The following ZNF469 variants were observed in gnomAD, a reference collection of about 807,000 sequenced individuals.
ZNF469 encodes zinc finger protein 469.
ZNF469 carries 1 observed loss-of-function variant against 1.0 expected under a neutral mutation model. The ratio of observed to expected loss-of-function variants is 1.00; its 90% confidence interval spans 0.35 to 4.73. ZNF469 has a LOEUF of 4.73. ZNF469 is among the 30% of genes most tolerant of loss of function. ZNF469 has a pLI of 0.16. For missense variants in ZNF469, 6,100 were observed against 5,356.3 expected (o/e 1.14, Z -4.33); for synonymous variants, 2,703 against 2,363.4 (o/e 1.14, Z -4.17).
chr16:88,325,919 G>C, the ZNF469 span, among the ~76,000 whole-genome samples: 4 of 152,256 alleles, frequency 2.6e-5, no homozygotes, highest in Admixed American at 1.3e-4. Context: ...TCTAGCCTCA[G>C]CTTCCTCAGC....
the ZNF469 span, among the ~76,000 whole-genome samples, chr16:88,255,307 C>A: frequency 6.6e-6 from 1 of 152,198 alleles, no homozygotes; most frequent in Non-Finnish European, 1.5e-5. Flanking sequence ...CAGATGGGTT[C>A]TATGGGAAAG....
At chr16:88,400,407 G>A (rs1054287693) in intron 1 of ZNF469, among the ~76,000 whole-genome samples, 6 of 152,318 alleles carry the variant, frequency 3.9e-5, no homozygotes, top group South Asian at 2.1e-4. Flanking sequence ...AGGCCCTGCC[G>A]GCTCACACCT....
At chr16:88,284,764 C>G in the ZNF469 span, among the ~76,000 whole-genome samples, 4 of 152,238 alleles carry the variant, frequency 2.6e-5, no homozygotes, top group African/African-American at 9.6e-5. Flanking sequence ...CGCCGTGCCC[C>G]TGGCAGCTCT....
Position 88,433,550 on chromosome 16 carries a change from C to G in ZNF469, c.6080C>G (p.Thr2027Ser). ...SVNASPKTAL[T>S]GPTEGAVLLE... ...AATGCCAGTCCCAAAACAGCGCTGA[C>G]CGGCCCCACCGAGGGTGCAGTCCTG... The change falls in exon 3 of 3, where the codon ACC (threonine) becomes AGC (serine). Residue 2027 changes from threonine to serine, a missense_variant. Transcript: ENST00000565624. The G allele has an allele frequency of 6.5e-7, 1 of 1,550,376 alleles. No individual in the cohort carries two copies. The highest frequency in any genetic ancestry group is 8.7e-7 in the Non-Finnish European group (1 of 1,146,940).
the ZNF469 span, among the ~76,000 whole-genome samples, chr16:88,371,963 TCACCATCACCACCATCA>T: frequency 7.4e-6 from 1 of 135,958 alleles, no homozygotes; most frequent in Non-Finnish European, 1.6e-5. Flanking sequence ...ACCACCATCA[TCACCATCACCACCATCA>T]TCACCATCAC....
chr16:88,400,795 G>A (rs1904831869), intron 1 of ZNF469, among the ~76,000 whole-genome samples: 1 of 152,020 alleles, frequency 6.6e-6, no homozygotes, highest in Non-Finnish European at 1.5e-5. Context: ...GATAAAATGG[G>A]CAGAATCTCT....
At chr16:88,205,572 G>A in the ZNF469 span, among the ~76,000 whole-genome samples, 2 of 152,190 alleles carry the variant, frequency 1.3e-5, no homozygotes, top group Admixed American at 6.5e-5. This position sits in a 1 kb window ranked among gnomAD's most constrained non-coding sequence, Gnocchi z 4.2. Context: ...AACAGTTTCG[G>A]GGTGATGCTA....
At chr16:88,103,537 T>C in the ZNF469 span, among the ~76,000 whole-genome samples, 5 of 151,894 alleles carry the variant, frequency 3.3e-5, no homozygotes, top group Admixed American at 2.6e-4. Context: ...GCCCTCCTTG[T>C]CCCCCCCGAA....
chr16:88,437,268 C>G lies in ZNF469; in HGVS notation c.9798C>G (p.Ser3266Arg). 6.5e-7 allele frequency: 1 copy of G among 1,548,512 alleles called. No homozygotes were observed. The highest frequency in any genetic ancestry group is 8.7e-7 in the Non-Finnish European group (1 of 1,145,930). The change falls in exon 3 of 3, where the codon AGC becomes AGG. Residue 3266 changes from serine to arginine, a missense_variant. Transcript: ENST00000565624. ...AAGAGGGAGAAGCCAAGAAAGACAG[C>G]CCGGGCGAGAGGGCGAAACCCCGGG... is the stretch of plus-strand genomic sequence containing the variant. ...WGQEGEAKKD[S>R]PGERAKPRAR...
At chr16:88,168,461 G>A in the ZNF469 span, among the ~76,000 whole-genome samples, 2 of 151,454 alleles carry the variant, frequency 1.3e-5, no homozygotes, top group Non-Finnish European at 2.9e-5. The surrounding 1 kb of genome is among the most constrained non-coding windows in gnomAD (Gnocchi z 4.3). Flanking sequence ...TTGTGACCTT[G>A]TGTGGGGTCG....
chr16:88,206,236 C>T, the ZNF469 span, among the ~76,000 whole-genome samples: 3 of 152,232 alleles, frequency 2.0e-5, no homozygotes, highest in Non-Finnish European at 4.4e-5. Flanking sequence ...AGGGCCAGGA[C>T]TTCACTTGCC....
At chr16:88,112,772 C>CTTTTT in the ZNF469 span, among the ~76,000 whole-genome samples, 448 of 73,478 alleles carry the variant, frequency 6.1e-3, 34 homozygotes, top group East Asian at 0.01. Context: ...TGTGCAGAAG[C>CTTTTT]TTTTTTTTTT....
chr16:88,342,842 G>A, the ZNF469 span, among the ~76,000 whole-genome samples: 16 of 152,342 alleles, frequency 1.1e-4, no homozygotes, highest in Admixed American at 3.9e-4. Context: ...GGCGATACCC[G>A]TCAAGCCCTT....
Position 88,424,519 on chromosome 16 carries a change from C to T in ZNF469, c.-191-288C>T, listed in dbSNP as rs80082400. ...GAGCTGCATGTACACACAATCTATG[C>T]GTACATAAAGACCCAACAAAAAGAG... On this transcript the variant is annotated intron_variant, in intron 1 of 2. Coordinates refer to ENST00000565624, the MANE Select transcript of ZNF469 (RefSeq NM_001367624.2). This position sits in a 1 kb window ranked among gnomAD's most constrained non-coding sequence, Gnocchi z 4.3. 0.022 allele frequency among the ~76,000 whole-genome samples: 3,348 copies of T among 152,260 alleles called. 119 individuals carry two copies. Among genetic ancestry groups the T allele is most frequent in the African/African-American group, 0.075 (3,116 of 41,524 alleles).
the ZNF469 span, among the ~76,000 whole-genome samples, chr16:88,251,935 G>A: frequency 2.0e-5 from 3 of 151,096 alleles, no homozygotes; most frequent in East Asian, 5.9e-4. Flanking sequence ...CTGTGCAACG[G>A]GGCAGGCAGC....
chr16:88,134,236 C>T, the ZNF469 span, among the ~76,000 whole-genome samples: 5 of 152,176 alleles, frequency 3.3e-5, no homozygotes, highest in Non-Finnish European at 7.3e-5. Flanking sequence ...TTTTTCTACC[C>T]GGTGGTATTT....
Position 88,429,924 on chromosome 16 carries a change from C to T in ZNF469, c.2454C>T (p.Pro818=), listed in dbSNP as rs1567510544. Residue 818 remains proline (P), a synonymous_variant, in exon 3 of 3, where the codon CCC becomes CCT. Transcript: ENST00000565624. ...KDDPLRTGFL[P]SLAATPFPLP... is the part of the protein sequence containing the mutation. ...ACCCCCTGAGGACAGGCTTCCTGCC[C>T]AGCCTGGCCGCCACCCCCTTCCCGC... 1.3e-6 allele frequency: 2 copies of T among 1,550,296 alleles called. No individual in the cohort carries two copies. The highest frequency in any genetic ancestry group is 2.0e-5 in the Admixed American group (1 of 51,014).
chr16:88,116,468 C>A, the ZNF469 span, among the ~76,000 whole-genome samples: 2 of 152,310 alleles, frequency 1.3e-5, no homozygotes, highest in South Asian at 2.1e-4. Context: ...AAAGTAAACA[C>A]CCGACTAATG....
chr16:88,365,044 G>A, the ZNF469 span, among the ~76,000 whole-genome samples: 1 of 152,184 alleles, frequency 6.6e-6, no homozygotes, highest in Admixed American at 6.5e-5. Flanking sequence ...GATGTTTTAC[G>A]ATGTTATTTC....
Sources: allele counts gnomAD v4.1 joint callset (sites outside exome capture counted in the v4.1 genomes callset), GRCh38; gene constraint gnomAD v4.1.1; non-coding constraint Gnocchi (gnomAD v3.1); transcripts MANE v1.5; gene names NCBI Gene and HGNC (gene_info 2026-07-23, HGNC 2026-07-21).